The following OGDH variants were observed in gnomAD, a reference collection of about 807,000 sequenced individuals.
The protein encoded by OGDH is 2-oxoglutarate dehydrogenase complex component E1.
In OGDH, 38 loss-of-function variants were observed where a neutral mutation model predicts 116.6. The observed-to-expected ratio is 0.33, with a 90% CI of 0.25 to 0.43. The LOEUF is 0.43. Among genes scored for constraint, OGDH ranks in the 20% least tolerant of loss-of-function variants. The pLI is 1.00. For missense variants in OGDH, 825 were observed against 1,357.2 expected (o/e 0.61, Z 6.16); for synonymous variants, 488 against 533.3 (o/e 0.92, Z 1.17).
In OGDH at chr7:44,708,184, G is replaced by T. The variant is rs952510699; in HGVS notation, c.*185G>T. 1.1e-5 allele frequency: 8 copies of T among 744,818 alleles called. No homozygotes were observed. The highest frequency in any genetic ancestry group is 1.5e-5 in the Non-Finnish European group (7 of 476,648). 46.1% of individuals were successfully genotyped at this position (744,818 alleles called of 1,614,324 possible). On this transcript the variant is annotated 3_prime_UTR_variant, in exon 23 of 23. Coordinates refer to ENST00000222673, the MANE Select transcript of OGDH (RefSeq NM_002541.4). ...CCTCCAGTGCTTGGCTGCCCCACAGGCCACACGCTGCCCAGGCTCTGCTGA... is the reference window on the plus strand; with the variant it reads ...CCTCCAGTGCTTGGCTGCCCCACAGTCCACACGCTGCCCAGGCTCTGCTGA...
intron 1 of OGDH, among the ~76,000 whole-genome samples, chr7:44,609,339 CAAAAAAA>C (rs1185554089): frequency 1.1e-4 from 9 of 81,578 alleles, no homozygotes; most frequent in African/African-American, 1.7e-4. Context: ...CTCGTCTCTA[CAAAAAAA>C]AAAAAAAAAA....
intron 10 of OGDH, among the ~76,000 whole-genome samples, chr7:44,685,997 AT>A (rs779809501): frequency 6.7e-6 from 1 of 149,718 alleles, no homozygotes; most frequent in Non-Finnish European, 1.5e-5. Context: ...TGATAGTTCT[AT>A]TTTTAACTTT....
At position 44,697,201 on chromosome 7, in the gene OGDH, A is replaced by G; in HGVS notation, c.2051+137A>G. The G allele has an allele frequency of 6.9e-7, 1 of 1,449,890 alleles. No homozygotes were observed. The allele number at this position is 1,449,890 out of a possible 1,614,324, so 89.8% of individuals were successfully genotyped here. On this transcript the variant is annotated intron_variant, in intron 15 of 22. Transcript: ENST00000222673. The surrounding 1 kb of genome is among the most constrained non-coding windows in gnomAD (Gnocchi z 6.0). ...CTCAGGCTGAAAACCTCTGTCCCTC[A>G]TTTGCTATGGGTGCTTCTGTTAAGA...
Position 44,698,241 on chromosome 7 carries a change from A to G in OGDH, c.2408A>G (p.Asn803Ser). ...ARPERFLQMCNDDPDVLPDLK... is the reference protein window; with the variant it reads ...ARPERFLQMCSDDPDVLPDLK... ...CCAGAGCGGTTCTTGCAGATGTGCA[A>G]CGATGACCCAGATGTCCTGCCAGTG... The change falls in exon 18 of 23, where the codon AAC becomes AGC. Residue 803 changes from asparagine (N) to serine (S), a missense_variant. Asn to Ser is a conservative substitution (Grantham distance 46). Around this residue, in one of 7 missense-constraint regions of OGDH, gnomAD observed 73 missense variants for 182.3 expected, o/e 0.40. Transcript: ENST00000222673. 6.2e-7 allele frequency: 1 copy of G among 1,614,050 alleles called. No individual in the cohort carries two copies. Among genetic ancestry groups the G allele is most frequent in the Middle Eastern group, 1.7e-4 (1 of 6,044 alleles).
At chr7:44,638,962 T>C (rs886446264) in intron 2 of OGDH, among the ~76,000 whole-genome samples, 1 of 151,956 alleles carries the variant, frequency 6.6e-6, no homozygotes, top group African/African-American at 2.4e-5. Flanking sequence ...TTGAGATGAG[T>C]GTACAGTAAG....
At chr7:44,644,072 G>A (rs1178153429) in intron 2 of OGDH, among the ~76,000 whole-genome samples, 1 of 152,142 alleles carries the variant, frequency 6.6e-6, no homozygotes, top group Non-Finnish European at 1.5e-5. Context: ...AAGCCTGGTG[G>A]CGTGCTCCTG....
chr7:44,652,005 A>G (rs1175269373), intron 4 of OGDH, among the ~76,000 whole-genome samples: 1 of 151,504 alleles, frequency 6.6e-6, no homozygotes, highest in Non-Finnish European at 1.5e-5. Flanking sequence ...TGCCCAGCCT[A>G]GTGATTATTT....
At chr7:44,607,995 C>T (rs1238866405) in intron 1 of OGDH, among the ~76,000 whole-genome samples, 1 of 133,676 alleles carries the variant, frequency 7.5e-6, no homozygotes, top group South Asian at 2.4e-4. Flanking sequence ...GCCACTGCGC[C>T]CGGCCCCTCA....
intron 9 of OGDH, among the ~76,000 whole-genome samples, chr7:44,677,155 G>GA (rs554857785): frequency 1.3e-5 from 2 of 151,840 alleles, no homozygotes; most frequent in African/African-American, 4.8e-5. Flanking sequence ...CAAATAATCA[G>GA]AAAAAAAATC....
intron 2 of OGDH, among the ~76,000 whole-genome samples, chr7:44,626,780 G>A (rs1785224091): frequency 6.6e-6 from 1 of 152,064 alleles, no homozygotes; most frequent in Non-Finnish European, 1.5e-5. Context: ...GTCTCCAGGG[G>A]GCACAGTGTG....
intron 1 of OGDH, among the ~76,000 whole-genome samples, chr7:44,614,834 C>CTTTTTTTTT (rs201747358): frequency 2.1e-4 from 23 of 111,148 alleles, no homozygotes; most frequent in South Asian, 3.0e-4. Flanking sequence ...TCTTTTGGTT[C>CTTTTTTTTT]TTTTTTTTTT....
At chr7:44,649,803 G>A (rs560818330) in intron 4 of OGDH, among the ~76,000 whole-genome samples, 1 of 152,280 alleles carries the variant, frequency 6.6e-6, no homozygotes, top group South Asian at 2.1e-4. Flanking sequence ...CCGAGGCAGG[G>A]CCAGAATCTG....
At chr7:44,616,796 T>TATATATATACATATATATAC (rs1784802060) in intron 1 of OGDH, among the ~76,000 whole-genome samples, 1 of 103,754 alleles carries the variant, frequency 9.6e-6, no homozygotes, top group Non-Finnish European at 2.0e-5. Context: ...TATATATATG[T>TATATATATACATATATATAC]GTATATATAT....
chr7:44,646,145 T>A (rs1415011482), intron 3 of OGDH, among the ~76,000 whole-genome samples: 1 of 152,228 alleles, frequency 6.6e-6, no homozygotes, highest in Admixed American at 6.5e-5. Context: ...GATGTCCACC[T>A]GATACATGGG....
At chr7:44,679,810 C>T (rs1309004121) in intron 9 of OGDH, among the ~76,000 whole-genome samples, 1 of 152,178 alleles carries the variant, frequency 6.6e-6, no homozygotes, top group East Asian at 1.9e-4. Context: ...GGAATTCTGC[C>T]TCCAGACAGC....
chr7:44,702,144 A>G (rs904155499), intron 20 of OGDH, among the ~76,000 whole-genome samples: 1 of 152,002 alleles, frequency 6.6e-6, no homozygotes, highest in Non-Finnish European at 1.5e-5. Context: ...GTCAAATGAC[A>G]TGTCTTAACA....
At chr7:44,701,174 C>T (rs887656100) in intron 19 of OGDH, among the ~76,000 whole-genome samples, 2 of 152,190 alleles carry the variant, frequency 1.3e-5, no homozygotes, top group African/African-American at 4.8e-5. Flanking sequence ...AGCCCTGGTG[C>T]TTCTTGGTGC....
chr7:44,707,771 A>G lies in OGDH; in HGVS notation c.2951+35A>G. 6.2e-7 allele frequency: 1 copy of G among 1,613,460 alleles called. No individual in the cohort carries two copies. The highest frequency in any genetic ancestry group is 8.5e-7 in the Non-Finnish European group (1 of 1,179,762). The stretch of plus-strand genomic sequence containing the variant: ...CAGTCCCTGCCAGGAAGGCTGTGGG[A>G]CCCTCCCCTCAGGCCAGTAGGCAGT... On this transcript the variant is annotated intron_variant, in intron 22 of 22. Transcript: ENST00000222673. This position sits in a 1 kb window ranked among gnomAD's most constrained non-coding sequence, Gnocchi z 5.2.
intron 4 of OGDH, 27 bp from the exon 5 acceptor site, chr7:44,666,709 G>T (rs1391107418): frequency 2.1e-6 from 3 of 1,441,712 alleles, no homozygotes; most frequent in Admixed American, 3.8e-5. Context: ...TCCTCATCTG[G>T]CTTGTCCTGC....
Sources: allele counts gnomAD v4.1 joint callset (sites outside exome capture counted in the v4.1 genomes callset), GRCh38; gene constraint gnomAD v4.1.1; regional missense constraint gnomAD v4.1.1; non-coding constraint Gnocchi (gnomAD v3.1); transcripts MANE v1.5; gene names NCBI Gene and HGNC (gene_info 2026-07-23, HGNC 2026-07-21).